TNS3: variants seen among roughly 807,000 people sequenced by gnomAD.
TNS3 encodes the protein tensin 3.
In TNS3, 45 loss-of-function variants were observed where a neutral mutation model predicts 140.9. That is an observed-to-expected ratio of 0.32 (90% confidence interval 0.25 to 0.41). TNS3 has a LOEUF of 0.41. Ranked by LOEUF, TNS3 falls within the 10% of genes least tolerant of loss-of-function variation. The pLI is 1.00. For missense variants in TNS3, 1,716 were observed against 1,906.7 expected (o/e 0.90, Z 1.86); for synonymous variants, 815 against 788.4 (o/e 1.03, Z -0.56).
chr7:47,415,102 G>C lies in TNS3; in HGVS notation c.578C>G (p.Thr193Arg), dbSNP rs1397300498. 1 of 1,611,032 alleles carries C rather than the reference G, an allele frequency of 6.2e-7. No individual in the cohort carries two copies. Among genetic ancestry groups the C allele is most frequent in the Non-Finnish European group, 8.5e-7 (1 of 1,178,434 alleles). The part of the protein sequence containing the change: ...VILHGTPNFD[T>R]GGVCRPFLKL... ...TCATAGGGGACACTCACCTCCACCT[G>C]TGTCGAAGTTGGGGGTGCCGTGGAG... is the stretch of plus-strand genomic sequence containing the variant. The change falls in exon 11 of 31, where the codon ACA (threonine) becomes AGA (arginine). Residue 193 changes from threonine (T) to arginine (R), a missense_variant. Thr to Arg is a moderately conservative substitution (Grantham distance 71). This residue lies in a region of TNS3 where 337 missense variants were observed against 428.9 expected (regional missense o/e 0.79). Coordinates refer to ENST00000311160, the MANE Select transcript of TNS3 (RefSeq NM_022748.12).
chr7:47,521,328 G>A (rs1000783937), intron 2 of TNS3, among the ~76,000 whole-genome samples: 3 of 152,146 alleles, frequency 2.0e-5, no homozygotes, highest in South Asian at 2.1e-4. Context: ...CGAGCCCTTC[G>A]AAGCCTTGGT....
chr7:47,292,219 T>C lies in TNS3; in HGVS notation c.3851-187A>G, dbSNP rs138177303. ...ACCATGATCACATTCTGAATAAAAG[T>C]AGAGATGACAAGGCCTAACAAAATA... On this transcript the variant is annotated intron_variant, in intron 26 of 30. Coordinates refer to ENST00000311160, the MANE Select transcript of TNS3 (RefSeq NM_022748.12). Among the ~76,000 whole-genome samples, 22 of 152,272 alleles carry C rather than the reference T, an allele frequency of 1.4e-4. No homozygotes were observed. The East Asian group carries it at 3.1e-3, about 21-fold the overall frequency.
intron 20 of TNS3, among the ~76,000 whole-genome samples, chr7:47,339,956 C>CATATATATATATAT (rs35991026): frequency 7.3e-6 from 1 of 136,502 alleles, no homozygotes; most frequent in Non-Finnish European, 1.6e-5. Context: ...TTATAAGTGG[C>CATATATATATATAT]ATATATATAT....
chr7:47,395,742 C>T (rs1792792768), intron 16 of TNS3, among the ~76,000 whole-genome samples: 1 of 152,220 alleles, frequency 6.6e-6, no homozygotes, highest in African/African-American at 2.4e-5. Flanking sequence ...CCACTAGCCC[C>T]AGATATCATC....
chr7:47,557,059 C>T lies in TNS3; in HGVS notation c.-265+24992G>A, dbSNP rs1399489853. The T allele has an allele frequency of 6.6e-6, 3 of 456,668 alleles. No homozygotes were observed. The East Asian group carries it at 2.1e-4, about 32-fold the overall frequency. The allele number at this position is 456,668 out of a possible 1,614,324, so 28.3% of individuals were successfully genotyped here. On this transcript the variant is annotated intron_variant, in intron 1 of 30. Transcript: ENST00000311160. ...GACCTGTGCAGGGTGTGCAGGGTGCCTAGTCCCCATCTTCCACCAGTTGGT... is the reference window on the plus strand; with the variant it reads ...GACCTGTGCAGGGTGTGCAGGGTGCTTAGTCCCCATCTTCCACCAGTTGGT...
At chr7:47,402,000 G>A (rs1400597888) in intron 13 of TNS3, among the ~76,000 whole-genome samples, 4 of 152,328 alleles carry the variant, frequency 2.6e-5, no homozygotes, top group African/African-American at 9.6e-5. Context: ...GAGAAAGATG[G>A]CTTTAAAATA....
intron 20 of TNS3, among the ~76,000 whole-genome samples, chr7:47,311,633 A>G (rs1287113485): frequency 1.3e-5 from 2 of 152,208 alleles, no homozygotes; most frequent in Non-Finnish European, 2.9e-5. Flanking sequence ...AAAGAGGAAC[A>G]AGACTGAGAA....
At chr7:47,312,468 C>T (rs544109428) in intron 20 of TNS3, among the ~76,000 whole-genome samples, 17 of 151,970 alleles carry the variant, frequency 1.1e-4, no homozygotes, top group Non-Finnish European at 2.2e-4. Flanking sequence ...CTTTGGGAGG[C>T]GAGGCAGGCG....
At chr7:47,497,112 A>T (rs768843984) in intron 3 of TNS3, among the ~76,000 whole-genome samples, 4 of 152,232 alleles carry the variant, frequency 2.6e-5, no homozygotes, top group Non-Finnish European at 5.9e-5. Flanking sequence ...TGCTTAAAAG[A>T]GCAGACCCCA....
At chr7:47,577,661 T>A (rs1173764187) in intron 1 of TNS3, among the ~76,000 whole-genome samples, 6 of 152,144 alleles carry the variant, frequency 3.9e-5, no homozygotes, top group African/African-American at 1.4e-4. Context: ...AGGGAGACCA[T>A]CAGGATGGCA....
intron 2 of TNS3, among the ~76,000 whole-genome samples, chr7:47,526,351 T>C (rs986974974): frequency 2.6e-5 from 4 of 152,224 alleles, no homozygotes; most frequent in African/African-American, 4.8e-5. Context: ...CTCAAGGATG[T>C]GTGGTGCAGA....
At chr7:47,564,590 T>G (rs973686451) in intron 1 of TNS3, among the ~76,000 whole-genome samples, 1 of 134,662 alleles carries the variant, frequency 7.4e-6, no homozygotes, top group Non-Finnish European at 1.5e-5. Context: ...GAGCCAACAT[T>G]GTGCCATCGC....
intron 20 of TNS3, among the ~76,000 whole-genome samples, chr7:47,340,859 A>G (rs1788969879): frequency 1.3e-5 from 2 of 152,150 alleles, no homozygotes; most frequent in Non-Finnish European, 2.9e-5. Context: ...GTTGAAAAAG[A>G]GTGCTGTCAG....
intron 17 of TNS3, among the ~76,000 whole-genome samples, chr7:47,354,789 C>A (rs947500067): frequency 2.0e-5 from 3 of 152,152 alleles, no homozygotes; most frequent in African/African-American, 7.2e-5. Context: ...GTGGCTTTTT[C>A]TTTACACAGT....
intron 1 of TNS3, among the ~76,000 whole-genome samples, chr7:47,570,923 C>T (rs1459369498): frequency 1.3e-5 from 2 of 152,028 alleles, no homozygotes; most frequent in Admixed American, 1.3e-4. Context: ...CCCAATCCCA[C>T]AGAATGTGAG....
rs116665502 is a variant in TNS3, at chr7:47,416,951, G to C, written c.474-1745C>G. ...GGTCACTGGGAAATCAGCTTCCTCA[G>C]CTCGTCCAGTTTGTCAGTGGCACCC... On this transcript the variant is annotated intron_variant, in intron 10 of 30. Coordinates refer to ENST00000311160, the MANE Select transcript of TNS3 (RefSeq NM_022748.12). Among the ~76,000 whole-genome samples, 955 of 152,280 alleles carry C rather than the reference G, an allele frequency of 6.3e-3. 4 individuals carry two copies. The highest frequency in any genetic ancestry group is 0.021 in the African/African-American group (886 of 41,544).
At chr7:47,521,026 G>C (rs530000667) in intron 2 of TNS3, among the ~76,000 whole-genome samples, 1 of 152,312 alleles carries the variant, frequency 6.6e-6, no homozygotes, top group East Asian at 1.9e-4. Context: ...TACATTCCCT[G>C]TGCACCTACT....
At chr7:47,325,319 C>T (rs1372285753) in intron 20 of TNS3, among the ~76,000 whole-genome samples, 2 of 152,202 alleles carry the variant, frequency 1.3e-5, no homozygotes, top group Non-Finnish European at 1.5e-5. Context: ...CTATCTTCCA[C>T]TCCACGTTTG....
intron 28 of TNS3, 44 bp from the exon 29 acceptor site, chr7:47,280,398 C>T: frequency 6.3e-7 from 1 of 1,589,424 alleles, no homozygotes; most frequent in Non-Finnish European, 8.6e-7. Context: ...GTTACTAGGG[C>T]TTTTGGGTGA....
Sources: gnomAD v4.1 joint callset for allele counts (sites outside exome capture counted in the v4.1 genomes callset) on GRCh38, gnomAD v4.1.1 for gene constraint, gnomAD v4.1.1 regional missense constraint, MANE v1.5 for transcripts, NCBI Gene and HGNC (gene_info 2026-07-23, HGNC 2026-07-21) for gene names.